Variants in FBRS observed in about 807,000 individuals in gnomAD.
FBRS encodes probable fibrosin-1.
Under a neutral mutation model 86.1 loss-of-function variants are expected in FBRS, and 15 were observed. The ratio of observed to expected loss-of-function variants is 0.17; its 90% CI spans 0.12 to 0.27. FBRS has a LOEUF of 0.27. FBRS is among the 10% of genes least tolerant of loss of function. FBRS has a pLI of 1.00. For synonymous variants in FBRS, 666 were observed against 575.8 expected (o/e 1.16, Z -2.24); for missense variants, 1,367 against 1,301.6 (o/e 1.05, Z -0.77).
chr16:30,668,721 A>G (rs1275356284), intron 16 of FBRS, 51 bp from the exon 17 acceptor site: 1 of 1,581,796 alleles, frequency 6.3e-7, no homozygotes, highest in Non-Finnish European at 8.6e-7. Context: ...AGGCCTGAAC[A>G]GGGCCTCCCA....
In FBRS at chr16:30,659,384, A is replaced by C. The variant is rs902607218; in HGVS notation, c.-135A>C. The C allele has an allele frequency of 5.1e-6, 1 of 197,784 alleles. No individual in the cohort carries two copies. Among genetic ancestry groups the C allele is most frequent in the Non-Finnish European group, 1.0e-5 (1 of 98,962 alleles). The allele number at this position is 197,784 out of a possible 1,614,324, so 12.3% of individuals were successfully genotyped here. ...GCCTTGGGGCAAGCTCGGGGCCAGC[A>C]GATCCGGCTTTAAAGGAGAAGCCGT... On this transcript the variant is annotated 5_prime_UTR_variant, in exon 1 of 18. Transcript: ENST00000356166.
chr16:30,666,139 C>T, intron 11 of FBRS: 2 of 426,888 alleles, frequency 4.7e-6, no homozygotes, highest in South Asian at 3.2e-5. Context: ...CAGTTTCCTA[C>T]AGGGAAGACT....
In FBRS at chr16:30,668,997, C is replaced by CCTGCCCCTGCCCCACCCTCAGCCCCTG; in HGVS notation, c.2366+28_2367-36dup. 7 of 1,500,178 alleles carry CCTGCCCCTGCCCCACCCTCAGCCCCTG rather than the reference C, an allele frequency of 4.7e-6. No homozygotes were observed. The highest frequency in any genetic ancestry group is 1.2e-5 in the South Asian group (1 of 82,206). The allele number at this position is 1,500,178 out of a possible 1,614,324, so 92.9% of individuals were successfully genotyped here. Reference sequence around the variant, plus strand: ...AAGGACAGGTGTGCCTCCCACCCACCCTGCCCCTGCCCCACCCTCAGCCCC... The same window carrying CCTGCCCCTGCCCCACCCTCAGCCCCTG: ...AAGGACAGGTGTGCCTCCCACCCACCCTGCCCCTGCCCCACCCTCAGCCCCTGCTGCCCCTGCCCCACCCTCAGCCCC... On this transcript the variant is annotated intron_variant, in intron 17 of 17. Transcript: ENST00000356166.
chr16:30,664,425 C>T lies in FBRS; in HGVS notation c.1266C>T (p.Ser422=). The T allele has an allele frequency of 7.1e-7, 1 of 1,401,664 alleles. No individual in the cohort carries two copies. Among genetic ancestry groups the T allele is most frequent in the Non-Finnish European group, 9.5e-7 (1 of 1,054,486 alleles). The allele number at this position is 1,401,664 out of a possible 1,614,324, so 86.8% of individuals were successfully genotyped here. Residue 422 remains serine, a synonymous_variant, in exon 7 of 18, where the codon TCC becomes TCT. Transcript: ENST00000356166. The part of the protein sequence containing the change: ...LRPPPPPHHP[S]LFSPGPTLPP... The stretch of plus-strand genomic sequence containing the variant: ...CCCCCCCACCACCCCACCACCCCTC[C>T]TTGTTCTCCCCTGGCCCCACCCTGC...
intron 11 of FBRS, 34 bp from the exon 12 acceptor site, chr16:30,666,478 G>A (rs2052523225): frequency 9.3e-6 from 15 of 1,613,994 alleles, no homozygotes; most frequent in Non-Finnish European, 1.3e-5. Context: ...ACTCGGGTCT[G>A]AGTCGCCTCC....
Position 30,666,940 on chromosome 16 carries a change from A to G in FBRS, c.1825A>G (p.Met609Val), listed in dbSNP as rs1305801532. 6.2e-7 allele frequency: 1 copy of G among 1,612,868 alleles called. No individual in the cohort carries two copies. Among genetic ancestry groups the G allele is most frequent in the South Asian group, 1.1e-5 (1 of 90,662 alleles). The change falls in exon 13 of 18, where the codon ATG becomes GTG. Residue 609 changes from methionine (M) to valine (V), a missense_variant. By Grantham distance (21) the Met-to-Val change is conservative (BLOSUM62 1). Around this residue, in one of 3 missense-constraint regions of FBRS, gnomAD observed 659 missense variants for 678.8 expected, o/e 0.97. Coordinates refer to ENST00000356166, the MANE Select transcript of FBRS (RefSeq NM_001105079.3). ...GCAGAAACCAGGGAAGTGGTGTGCC[A>G]TGCACGTGCGTGTGGCTTACATGAT... ...PLRKPGKWCA[M>V]HVRVAYMILR...
rs2052516005 is a variant in FBRS at position 30,665,766 on chromosome 16, C to T, written c.1773+60C>T. On this transcript the variant is annotated intron_variant, in intron 11 of 17. Transcript: ENST00000356166. This position sits in a 1 kb window ranked among gnomAD's most constrained non-coding sequence, Gnocchi z 4.1. The stretch of plus-strand genomic sequence containing the variant: ...AAGGTGTGTTGCGGGGAGAACAGAA[C>T]TGACTTGAGGAGAGTGAACTGCTGA... 1.3e-6 allele frequency: 2 copies of T among 1,502,134 alleles called. No individual in the cohort carries two copies. The highest frequency in any genetic ancestry group is 1.8e-6 in the Non-Finnish European group (2 of 1,103,196). The allele number at this position is 1,502,134 out of a possible 1,614,324, so 93.1% of individuals were successfully genotyped here.
In FBRS at chr16:30,664,340, C is replaced by T. The variant is rs960371482; in HGVS notation, c.1181C>T (p.Pro394Leu). ...TCCGCGCAGCTCACCCACCGGCCCC[C>T]GACGCCCTCACTGCCCCTGCCTTTG... ...SSSAQLTHRP[P>L]TPSLPLPLST... Residue 394 changes from proline to leucine, a missense_variant, in exon 7 of 18, where the codon CCG becomes CTG. Pro to Leu is a moderately conservative substitution (Grantham distance 98). This residue lies in a region of FBRS where 702 missense variants were observed against 598.7 expected (regional missense o/e 1.17). Coordinates refer to ENST00000356166, the MANE Select transcript of FBRS (RefSeq NM_001105079.3). 16 of 1,543,318 alleles carry T rather than the reference C, an allele frequency of 1.0e-5. No individual in the cohort carries two copies. Among genetic ancestry groups the T allele is most frequent in the Admixed American group, 5.9e-5 (3 of 50,650 alleles).
At chr16:30,668,474 A>G (rs981722467) in intron 15 of FBRS, 86 bp from the exon 16 acceptor site, 294 of 1,221,412 alleles carry the variant, frequency 2.4e-4, no homozygotes, top group Non-Finnish European at 3.4e-4. Flanking sequence ...GACTCCAGGC[A>G]CCGGTCCTGC....
chr16:30,669,586 C>G lies in FBRS; in HGVS notation c.2884C>G (p.Pro962Ala). Residue 962 changes from proline (P) to alanine (A), a missense_variant, in exon 18 of 18, where the codon CCC becomes GCC. Pro to Ala is a conservative substitution (Grantham distance 27). This residue lies in a region of FBRS where 659 missense variants were observed against 678.8 expected (regional missense o/e 0.97). Coordinates refer to ENST00000356166, the MANE Select transcript of FBRS (RefSeq NM_001105079.3). The surrounding 1 kb of genome is among the most constrained non-coding windows in gnomAD (Gnocchi z 5.9). The stretch of plus-strand genomic sequence containing the variant: ...TTTGGGGGCACCACCTCCGCTTGTG[C>G]CCGCCCCCCGGCCCAGTTCCCCACC... ...ALLGAPPPLV[P>A]APRPSSPPRG... 1 of 1,611,442 alleles carries G rather than the reference C, an allele frequency of 6.2e-7. No homozygotes were observed. Among genetic ancestry groups the G allele is most frequent in the South Asian group, 1.1e-5 (1 of 91,038 alleles).
Position 30,668,950 on chromosome 16 carries a change from GC to G in FBRS, c.2340del (p.Ser781ProfsTer43). On this transcript the variant is annotated frameshift_variant, in exon 17 of 18. Transcript: ENST00000356166. LOFTEE classifies it high-confidence loss of function. ...AGGAGCGGCCTGTGGAGCGGAGGGAGCCCTCCATCACCAAGGAGGAGAAGGA... is the reference window on the plus strand; with the variant it reads ...AGGAGCGGCCTGTGGAGCGGAGGGAGCCTCCATCACCAAGGAGGAGAAGGA... ...DKERPVERRE[P>X]SITKEEKDRD... The G allele has an allele frequency of 6.3e-7, 1 of 1,586,544 alleles. No individual in the cohort carries two copies. Among genetic ancestry groups the G allele is most frequent in the Non-Finnish European group, 8.6e-7 (1 of 1,168,976 alleles).
In FBRS at chr16:30,665,521, G is replaced by A; in HGVS notation, c.1705-117G>A. 7.0e-7 allele frequency: 1 copy of A among 1,426,262 alleles called. No homozygotes were observed. The highest frequency in any genetic ancestry group is 9.7e-7 in the Non-Finnish European group (1 of 1,033,292). The allele number at this position is 1,426,262 out of a possible 1,614,324, so 88.4% of individuals were successfully genotyped here. A position where few individuals can be genotyped will look rare whatever the true frequency, so the allele number is the denominator to read the frequency against. On this transcript the variant is annotated intron_variant, in intron 10 of 17. Transcript: ENST00000356166. The surrounding 1 kb of genome is among the most constrained non-coding windows in gnomAD (Gnocchi z 4.1). ...GCCCATCCTCCTGCCCTGCCCTGCT[G>A]CACCCAGTTTTCTCCAAAGCCATGA...
chr16:30,660,475 A>G, intron 2 of FBRS, 33 bp downstream of exon 2: 1 of 1,256,060 alleles, frequency 8.0e-7, no homozygotes, highest in Non-Finnish European at 1.0e-6. Flanking sequence ...TTTAGGCAGA[A>G]TGTATTTCCC....
At chr16:30,660,659 T>A (rs1428169042) in intron 2 of FBRS, 2 of 743,262 alleles carry the variant, frequency 2.7e-6, no homozygotes, top group African/African-American at 3.6e-5. Flanking sequence ...ACTTCAAACG[T>A]TTTGATAATT....
chr16:30,667,346 G>A lies in FBRS; in HGVS notation c.1902G>A (p.Arg634=), dbSNP rs1455135220. The A allele has an allele frequency of 1.9e-6, 3 of 1,553,980 alleles. No homozygotes were observed. Among genetic ancestry groups the A allele is most frequent in the East Asian group, 2.4e-5 (1 of 41,138 alleles). The change falls in exon 14 of 18, where the codon CGG becomes CGA. Residue 634 remains arginine, a synonymous_variant. Coordinates refer to ENST00000356166, the MANE Select transcript of FBRS (RefSeq NM_001105079.3). ...MKGDSHKLDF[R]NDLLPCLPGP... is the part of the protein sequence containing the mutation. ...GTGACTCCCACAAGCTTGACTTTCG[G>A]AATGACCTCCTGCCCTGCCTTCCGG...
At position 30,664,728 on chromosome 16, in the gene FBRS, C is replaced by T. The variant is rs530435967; in HGVS notation, c.1371C>T (p.Ile457=). Reference sequence around the variant, plus strand: ...CCCCTCCCACAGAGCAGGACCTGATCGGCCAGGACCTGAACTCTCGCTACC... The same window carrying T: ...CCCCTCCCACAGAGCAGGACCTGATTGGCCAGGACCTGAACTCTCGCTACC... ...AANALSEQDL[I]GQDLNSRYLN... is the part of the protein sequence containing the mutation. Residue 457 remains isoleucine (I), a synonymous_variant, in exon 8 of 18, where the codon ATC becomes ATT. Transcript: ENST00000356166. The T allele has an allele frequency of 3.0e-5, 46 of 1,539,622 alleles. No individual in the cohort carries two copies. The highest frequency in any genetic ancestry group is 3.7e-5 in the Non-Finnish European group (42 of 1,140,080).
chr16:30,669,509 C>T lies in FBRS; in HGVS notation c.2807C>T (p.Ala936Val), dbSNP rs1250258820. 1 of 1,613,190 alleles carries T rather than the reference C, an allele frequency of 6.2e-7. No homozygotes were observed. The highest frequency in any genetic ancestry group is 1.1e-5 in the South Asian group (1 of 91,088). The change falls in exon 18 of 18, where the codon GCT becomes GTT. Residue 936 changes from alanine to valine, a missense_variant. Physicochemically the swap from Ala to Val is moderately conservative, Grantham distance 64. Transcript: ENST00000356166. The surrounding 1 kb of genome is among the most constrained non-coding windows in gnomAD (Gnocchi z 5.9). ...YSRLAPPPPP[A>V]AAPGTPHLLS... Reference sequence around the variant, plus strand: ...CGCTTGGCTCCTCCACCACCACCTGCTGCGGCCCCGGGAACCCCTCACCTT... The same window carrying T: ...CGCTTGGCTCCTCCACCACCACCTGTTGCGGCCCCGGGAACCCCTCACCTT...
At position 30,660,360 on chromosome 16, in the gene FBRS, C is replaced by T. The variant is rs2052443703; in HGVS notation, c.557C>T (p.Pro186Leu). 1 of 1,285,638 alleles carries T rather than the reference C, an allele frequency of 7.8e-7. No homozygotes were observed. The highest frequency in any genetic ancestry group is 9.9e-7 in the Non-Finnish European group (1 of 1,007,050). The allele number at this position is 1,285,638 out of a possible 1,614,324, so 79.6% of individuals were successfully genotyped here. Residue 186 changes from proline to leucine, a missense_variant, in exon 2 of 18, where the codon CCA becomes CTA. Pro to Leu is a moderately conservative substitution (Grantham distance 98). This residue lies in a region of FBRS where 702 missense variants were observed against 598.7 expected (regional missense o/e 1.17). Transcript: ENST00000356166. ...GGCTCCAGTGGGGCCACCGGGGAGCCAGGGGACAGCTCTGATCGAGAGCCT... is the reference window on the plus strand; with the variant it reads ...GGCTCCAGTGGGGCCACCGGGGAGCTAGGGGACAGCTCTGATCGAGAGCCT... ...RGGSSGATGE[P>L]GDSSDREPGR...
At chr16:30,660,183 C>T (rs2052439531) in intron 1 of FBRS, 80 bp from the exon 2 acceptor site, 3 of 1,412,142 alleles carry the variant, frequency 2.1e-6, no homozygotes, top group Non-Finnish European at 2.8e-6. Flanking sequence ...CCGAGGGGTA[C>T]TTCGGCAACC....
Sources: gnomAD v4.1 joint callset for allele counts on GRCh38, gnomAD v4.1.1 for gene constraint, gnomAD v4.1.1 regional missense constraint, Gnocchi (gnomAD v3.1) non-coding constraint, MANE v1.5 for transcripts, NCBI Gene and HGNC (gene_info 2026-07-23, HGNC 2026-07-21) for gene names.